ACOX3: variants seen among roughly 807,000 people sequenced by gnomAD.
ACOX3 encodes acyl-CoA oxidase 3, pristanoyl.
Under a neutral mutation model 81.5 loss-of-function variants are expected in ACOX3, and 73 were observed. The ratio of observed to expected loss-of-function variants is 0.90; its 90% CI spans 0.74 to 1.09. ACOX3 has a LOEUF of 1.09. Ranked by LOEUF, ACOX3 falls within the 50% of genes least tolerant of loss-of-function variation. The pLI is 0.00. For missense variants in ACOX3, 947 were observed against 928.0 expected, an observed-to-expected ratio of 1.02 and a Z score of -0.27; for synonymous variants, 387 against 375.1, an observed-to-expected ratio of 1.03 and a Z score of -0.37.
At chr4:8,396,887 T>C in intron 9 of ACOX3, 50 bp downstream of exon 9, 1 of 1,577,332 alleles carries the variant, frequency 6.3e-7, no homozygotes, top group Non-Finnish European at 8.6e-7. Flanking sequence ...AAGAAGTGAA[T>C]TTGCATATAA....
At position 8,406,019 on chromosome 4, in the gene ACOX3, G is replaced by C; in HGVS notation, c.712C>G (p.Pro238Ala). ...TCGCCAACCATCACTCCAGGCATGG[G>C]AAGAAGGGTCTTCGGGTCCCGGATC... ...VQIRDPKTLLPMPGVMVGDIG... is the reference protein window; with the variant it reads ...VQIRDPKTLLAMPGVMVGDIG... The change falls in exon 7 of 18, where the codon CCC (proline) becomes GCC (alanine). Residue 238 changes from proline to alanine, a missense_variant. Physicochemically the swap from Pro to Ala is conservative, Grantham distance 27. Coordinates refer to ENST00000356406, the MANE Select transcript of ACOX3 (RefSeq NM_003501.3). The surrounding 1 kb of genome is among the most constrained non-coding windows in gnomAD (Gnocchi z 5.6). 1.9e-6 allele frequency: 3 copies of C among 1,614,140 alleles called. No individual in the cohort carries two copies. The highest frequency in any genetic ancestry group is 2.5e-6 in the Non-Finnish European group (3 of 1,180,038).
rs1209567467 is a variant in ACOX3, at chr4:8,400,807, A to G, written c.777-1155T>C. Among the ~76,000 whole-genome samples the G allele has an allele frequency of 1.3e-5, 2 of 152,136 alleles. No individual in the cohort carries two copies. Among genetic ancestry groups the G allele is most frequent in the Admixed American group, 1.3e-4 (2 of 15,266 alleles). ...ACCAGGGACCGGTTTTATGGAAGAC[A>G]ATTTTTCCACGAATGAGGGGGAGGT... On this transcript the variant is annotated intron_variant, in intron 7 of 17. Coordinates refer to ENST00000356406, the MANE Select transcript of ACOX3 (RefSeq NM_003501.3). This position sits in a 1 kb window ranked among gnomAD's most constrained non-coding sequence, Gnocchi z 4.4.
At chr4:8,371,686 C>T (rs570933356) in intron 16 of ACOX3, among the ~76,000 whole-genome samples, 16 of 152,392 alleles carry the variant, frequency 1.0e-4, no homozygotes, top group Non-Finnish European at 2.1e-4. Context: ...TGCACCTCTG[C>T]GCTTCAGCGC....
intron 9 of ACOX3, chr4:8,395,020 A>T: frequency 3.2e-6 from 1 of 310,094 alleles, no homozygotes; most frequent in Non-Finnish European, 6.2e-6. Context: ...AAGTCACTAC[A>T]GAACAAAGTG....
At chr4:8,356,385 G>A in the ACOX3 span, 2 of 385,334 alleles carry the variant, frequency 5.2e-6, no homozygotes, top group Non-Finnish European at 1.0e-5. Context: ...ACCAACTCAC[G>A]CACAGTGATG....
downstream of ACOX3, among the ~76,000 whole-genome samples, chr4:8,362,608 T>C (rs1321323301): frequency 2.0e-5 from 3 of 152,242 alleles, no homozygotes; most frequent in African/African-American, 7.2e-5. Flanking sequence ...CAAACTTGAC[T>C]TGTAAAGCCA....
Position 8,415,956 on chromosome 4 carries a change from C to G in ACOX3, c.188G>C (p.Arg63Pro). The G allele has an allele frequency of 1.9e-6, 3 of 1,614,130 alleles. No individual in the cohort carries two copies. Among genetic ancestry groups the G allele is most frequent in the Non-Finnish European group, 2.5e-6 (3 of 1,180,032 alleles). The change falls in exon 3 of 18, where the codon CGT becomes CCT. Residue 63 changes from arginine (R) to proline (P), a missense_variant. Transcript: ENST00000356406. ...CAAGGACAGATCGGCTCCAGGGGAA[C>G]GAGCGAAAAGAGGGTCATTCTCAAG... ...SALENDPLFA[R>P]SPGADLSLEK...
chr4:8,372,172 A>G (rs1716297431), intron 16 of ACOX3, among the ~76,000 whole-genome samples: 2 of 152,174 alleles, frequency 1.3e-5, no homozygotes, highest in Non-Finnish European at 2.9e-5. Flanking sequence ...ATTACGGCTC[A>G]CTGCAGCCTC....
intron 15 of ACOX3, 21 bp downstream of exon 15, chr4:8,374,957 G>A: frequency 6.7e-7 from 1 of 1,485,966 alleles, no homozygotes; most frequent in Non-Finnish European, 9.0e-7. Context: ...AGGACAGCAA[G>A]CCCGCAGTCA....
At chr4:8,366,008 C>T (rs913877820), downstream of ACOX3, among the ~76,000 whole-genome samples, 1 of 152,314 alleles carries the variant, frequency 6.6e-6, no homozygotes, top group African/African-American at 2.4e-5. Context: ...AGTGACCCAA[C>T]TCCCTGCTAC....
At chr4:8,393,915 G>A (rs764375582) in intron 10 of ACOX3, among the ~76,000 whole-genome samples, 16 of 152,186 alleles carry the variant, frequency 1.1e-4, no homozygotes, top group Non-Finnish European at 2.4e-4. Context: ...TCCAGGCCTG[G>A]GGTTTGCTCT....
the ACOX3 span, among the ~76,000 whole-genome samples, chr4:8,359,273 G>T: frequency 1.3e-5 from 2 of 152,200 alleles, no homozygotes; most frequent in African/African-American, 2.4e-5. The surrounding 1 kb of genome is among the most constrained non-coding windows in gnomAD (Gnocchi z 6.0). Flanking sequence ...TGAATAAGTG[G>T]TGGGGTACCT....
rs1168929153 is a variant in ACOX3 at position 8,399,326 on chromosome 4, T to C, written c.873+230A>G. On this transcript the variant is annotated intron_variant, in intron 8 of 17. Transcript: ENST00000356406. The surrounding 1 kb of genome is among the most constrained non-coding windows in gnomAD (Gnocchi z 4.9). ...CGCAGCCCCCGATGGGGAGTGGGCA[T>C]TGTAAGGCCCGGACTCACCCCCTGG... Among the ~76,000 whole-genome samples, 1 of 152,136 alleles carries C rather than the reference T, an allele frequency of 6.6e-6. No homozygotes were observed. The highest frequency in any genetic ancestry group is 2.4e-5 in the African/African-American group (1 of 41,422).
At chr4:8,398,340 T>C (rs1188903155) in intron 8 of ACOX3, among the ~76,000 whole-genome samples, 2 of 152,186 alleles carry the variant, frequency 1.3e-5, no homozygotes, top group East Asian at 3.8e-4. Flanking sequence ...AATTCCTCAA[T>C]TTCTCTACCG....
rs565607906 is a variant in ACOX3, at chr4:8,367,197, C to G, written c.1984-117G>C. On this transcript the variant is annotated intron_variant, in intron 17 of 17. Transcript: ENST00000356406. ...GTTTTTGTTAAAAACACAGGAAATT[C>G]GGCTGGGCACAGTGGCTCACGCCCG... 1.4e-5 allele frequency: 19 copies of G among 1,386,864 alleles called. 2 individuals are homozygous for G. The South Asian group carries it at 2.6e-4, about 19-fold the overall frequency. 85.9% of individuals were successfully genotyped at this position (1,386,864 alleles called of 1,614,324 possible).
At chr4:8,355,925 G>C in the ACOX3 span, 1 of 160,798 alleles carries the variant, frequency 6.2e-6, no homozygotes, top group African/African-American at 2.4e-5. Context: ...TCAAGCACGG[G>C]GGAAGGTATG....
intron 8 of ACOX3, among the ~76,000 whole-genome samples, chr4:8,398,113 C>T (rs1428039228): frequency 6.6e-6 from 1 of 152,200 alleles, no homozygotes; most frequent in Non-Finnish European, 1.5e-5. Flanking sequence ...TTGCAGTGAG[C>T]TGAGATCGTG....
At chr4:8,383,041 C>T (rs1377726037) in intron 13 of ACOX3, among the ~76,000 whole-genome samples, 1 of 151,870 alleles carries the variant, frequency 6.6e-6, no homozygotes, top group Non-Finnish European at 1.5e-5. Context: ...GTTCCTGCCA[C>T]AGCACACCCG....
intron 1 of ACOX3, among the ~76,000 whole-genome samples, chr4:8,421,167 A>G (rs1342720300): frequency 6.6e-6 from 1 of 152,214 alleles, no homozygotes; most frequent in Non-Finnish European, 1.5e-5. Context: ...AGCGGTGAGT[A>G]ATATTGAACC....
Sources: allele counts gnomAD v4.1 joint callset (sites outside exome capture counted in the v4.1 genomes callset), GRCh38; gene constraint gnomAD v4.1.1; non-coding constraint Gnocchi (gnomAD v3.1); transcripts MANE v1.5; gene names NCBI Gene and HGNC (gene_info 2026-07-23, HGNC 2026-07-21).